FOXP4: variants seen among roughly 807,000 people sequenced by gnomAD.
FOXP4 encodes the protein forkhead box P4, also known as forkhead box protein P4.
In FOXP4, 25 loss-of-function variants were observed where a neutral mutation model predicts 82.6. The ratio of observed to expected loss-of-function variants is 0.30; its 90% confidence interval spans 0.22 to 0.42. The LOEUF (loss-of-function observed/expected upper bound fraction) is 0.42, where lower values mean the gene tolerates loss of function less well. Among genes scored for constraint, FOXP4 ranks in the 10% least tolerant of loss-of-function variants. The pLI is 1.00. For missense variants in FOXP4, 785 were observed against 900.9 expected (o/e 0.87, Z 1.65); for synonymous variants, 415 against 388.2 (o/e 1.07, Z -0.81).
At position 41,596,713 on chromosome 6, in the gene FOXP4, T is replaced by C. The variant is rs552638200; in HGVS notation, c.1659-463T>C. Among the ~76,000 whole-genome samples, 20 of 152,178 alleles carry C rather than the reference T, an allele frequency of 1.3e-4. No homozygotes were observed. The South Asian group carries it at 4.2e-3, about 32-fold the overall frequency. On this transcript the variant is annotated intron_variant, in intron 14 of 16. Coordinates refer to ENST00000307972, the MANE Select transcript of FOXP4 (RefSeq NM_001012426.2). ...GGAGGCTTCCATACAGAAGCCTCCA[T>C]GTGGGACAGGCTGAGCATATGTCTG...
At chr6:41,549,956 CTG>C (rs918505288) in intron 1 of FOXP4, among the ~76,000 whole-genome samples, 2 of 152,188 alleles carry the variant, frequency 1.3e-5, no homozygotes, top group African/African-American at 2.4e-5. Context: ...ATAGCCTAAA[CTG>C]TGTGAAATAA....
At chr6:41,563,769 G>C (rs998519297) in intron 1 of FOXP4, among the ~76,000 whole-genome samples, 1 of 152,146 alleles carries the variant, frequency 6.6e-6, no homozygotes, top group Non-Finnish European at 1.5e-5. Flanking sequence ...AATATACTTG[G>C]CTCTCTTTAT....
intron 3 of FOXP4, among the ~76,000 whole-genome samples, chr6:41,581,484 C>G (rs1765798814): frequency 6.6e-6 from 1 of 152,238 alleles, no homozygotes; most frequent in Admixed American, 6.5e-5. Flanking sequence ...TAAGTTAGCA[C>G]TTAGCTGCCC....
chr6:41,587,578 A>G, intron 7 of FOXP4, 66 bp downstream of exon 7: 2 of 1,291,238 alleles, frequency 1.5e-6, no homozygotes, highest in South Asian at 2.8e-5. Flanking sequence ...CCCCCCACCC[A>G]TGAGGGCTGA....
At chr6:41,590,197 C>T in intron 11 of FOXP4, 27 bp downstream of exon 11, 10 of 1,605,198 alleles carry the variant, frequency 6.2e-6, no homozygotes, top group Non-Finnish European at 8.5e-6. Context: ...GGCTGCAGGG[C>T]GACAGCAGCG....
chr6:41,562,672 A>G (rs1015176302), intron 1 of FOXP4, among the ~76,000 whole-genome samples: 2 of 152,134 alleles, frequency 1.3e-5, no homozygotes, highest in Non-Finnish European at 2.9e-5. Context: ...TCTCCTTTGC[A>G]TGCATACACC....
At chr6:41,596,834 C>A (rs1194200027) in intron 14 of FOXP4, among the ~76,000 whole-genome samples, 1 of 151,982 alleles carries the variant, frequency 6.6e-6, no homozygotes, top group Non-Finnish European at 1.5e-5. Flanking sequence ...ATTGGAAAAT[C>A]TAGACCGGAG....
chr6:41,581,165 G>C (rs187969521), intron 3 of FOXP4, among the ~76,000 whole-genome samples: 3 of 152,310 alleles, frequency 2.0e-5, no homozygotes, highest in Admixed American at 6.5e-5. Context: ...GGATTAGTTT[G>C]AGGACTTCTG....
At chr6:41,566,990 C>T (rs1442677644) in intron 2 of FOXP4, among the ~76,000 whole-genome samples, 1 of 152,234 alleles carries the variant, frequency 6.6e-6, no homozygotes, top group Non-Finnish European at 1.5e-5. Context: ...TCTCCCACAG[C>T]CCAACTTCAT....
chr6:41,587,649 C>T lies in FOXP4; in HGVS notation c.872+137C>T, dbSNP rs189252979. The T allele has an allele frequency of 1.1e-3, 1,026 of 901,290 alleles. 3 individuals carry two copies. The highest frequency in any genetic ancestry group is 1.6e-3 in the Non-Finnish European group (934 of 589,996). The allele number at this position is 901,290 out of a possible 1,614,324, so 55.8% of individuals were successfully genotyped here. ...TTCACTCCCTCTCCACTCCCTCTCC[C>T]GGGGTGTACAGATGGTGCTTGGCCG... On this transcript the variant is annotated intron_variant, in intron 7 of 16. Transcript: ENST00000307972.
At chr6:41,575,978 TA>T (rs1433745910) in intron 2 of FOXP4, among the ~76,000 whole-genome samples, 1 of 151,526 alleles carries the variant, frequency 6.6e-6, no homozygotes, top group South Asian at 2.1e-4. Context: ...GAGGAGTTTG[TA>T]AAAGCAAGGT....
intron 2 of FOXP4, among the ~76,000 whole-genome samples, chr6:41,575,297 C>T (rs1476879446): frequency 6.6e-6 from 1 of 152,208 alleles, no homozygotes; most frequent in Non-Finnish European, 1.5e-5. Flanking sequence ...GCTATCATCA[C>T]AGAACCTGAG....
In FOXP4 at chr6:41,601,310, G is replaced by T; in HGVS notation, c.*2374G>T. 6.5e-6 allele frequency: 1 copy of T among 152,784 alleles called. No individual in the cohort carries two copies. The highest frequency in any genetic ancestry group is 1.5e-5 in the Non-Finnish European group (1 of 68,446). The allele number at this position is 152,784 out of a possible 1,614,324, so 9.5% of individuals were successfully genotyped here. On this transcript the variant is annotated 3_prime_UTR_variant, in exon 17 of 17. Transcript: ENST00000307972. ...CCAAGGGCCAAGCTGCTAAGCCAAA[G>T]ATGGCCCCTGACACCTCCCCCAGCC...
In FOXP4 at chr6:41,593,465, G is replaced by A. The variant is rs570947268; in HGVS notation, c.1537-1405G>A. On this transcript the variant is annotated intron_variant, in intron 13 of 16. Coordinates refer to ENST00000307972, the MANE Select transcript of FOXP4 (RefSeq NM_001012426.2). This position sits in a 1 kb window ranked among gnomAD's most constrained non-coding sequence, Gnocchi z 4.1. ...CCGTCCTTTTGTTTACGAAGCCCCT[G>A]CCAGACCCCTTAAATTGCCGTTAAT... Among the ~76,000 whole-genome samples the A allele has an allele frequency of 1.3e-5, 2 of 152,238 alleles. No individual in the cohort carries two copies. The highest frequency in any genetic ancestry group is 4.1e-4 in the South Asian group (2 of 4,822).
Position 41,589,951 on chromosome 6 carries a change from CG to C in FOXP4, c.1150-11del. ...CGGGCACTGGTCTCAGTACCCTCCC[CG>C]TTGCTCACAGCTGAACCCGGTCCCC... On this transcript the variant is annotated splice_polypyrimidine_tract_variant and intron_variant, in intron 10 of 16. Coordinates refer to ENST00000307972, the MANE Select transcript of FOXP4 (RefSeq NM_001012426.2). 6.2e-7 allele frequency: 1 copy of C among 1,613,622 alleles called. No individual in the cohort carries two copies. Among genetic ancestry groups the C allele is most frequent in the Non-Finnish European group, 8.5e-7 (1 of 1,179,826 alleles).
In FOXP4 at chr6:41,587,165, C is replaced by T; in HGVS notation, c.658+9C>T. The T allele has an allele frequency of 1.2e-6, 2 of 1,606,638 alleles. No individual in the cohort carries two copies. The highest frequency in any genetic ancestry group is 1.7e-6 in the Non-Finnish European group (2 of 1,177,126). On this transcript the variant is annotated intron_variant, in intron 6 of 16. Transcript: ENST00000307972. The stretch of plus-strand genomic sequence containing the variant: ...CCAGACCCTTCCGCAAGGTGAGCAC[C>T]CGCCACTCCTCCCCTCCCAGCCCCA...
In FOXP4 at chr6:41,598,843, C is replaced by G. The variant is rs375063628; in HGVS notation, c.1950C>G (p.Pro650=). The G allele has an allele frequency of 1.9e-6, 3 of 1,583,066 alleles. No homozygotes were observed. The highest frequency in any genetic ancestry group is 2.6e-6 in the Non-Finnish European group (3 of 1,165,946). Residue 650 remains proline, a synonymous_variant, in exon 17 of 17, where the codon CCC becomes CCG. Coordinates refer to ENST00000307972, the MANE Select transcript of FOXP4 (RefSeq NM_001012426.2). The part of the protein sequence containing the change: ...EPAEAEEDRQ[P]GPPLGAPNPS... Reference sequence around the variant, plus strand: ...CAGAGGCAGAGGAAGACAGGCAGCCCGGGCCTCCCCTGGGCGCCCCTAACC... The same window carrying G: ...CAGAGGCAGAGGAAGACAGGCAGCCGGGGCCTCCCCTGGGCGCCCCTAACC...
intron 1 of FOXP4, among the ~76,000 whole-genome samples, chr6:41,557,828 T>C (rs1029576335): frequency 1.3e-5 from 2 of 152,170 alleles, no homozygotes; most frequent in South Asian, 4.1e-4. Flanking sequence ...TCTCTTACTT[T>C]TAGGATTCAG....
In FOXP4 at chr6:41,546,390, C is replaced by T. The variant is rs1286288521; in HGVS notation, c.-494C>T. The T allele has an allele frequency of 6.6e-6, 1 of 151,330 alleles. No homozygotes were observed. The highest frequency in any genetic ancestry group is 1.5e-5 in the Non-Finnish European group (1 of 67,514). The allele number at this position is 151,330 out of a possible 1,614,324, so 9.4% of individuals were successfully genotyped here. On this transcript the variant is annotated 5_prime_UTR_variant, in exon 1 of 17. Transcript: ENST00000307972. ...CCGCCCGCTCGCAGCCACTCGCAGC[C>T]CAGGCTCAGTCGCAGCCCCTCGGAG...
Sources: allele counts gnomAD v4.1 joint callset (sites outside exome capture counted in the v4.1 genomes callset), GRCh38; gene constraint gnomAD v4.1.1; non-coding constraint Gnocchi (gnomAD v3.1); transcripts MANE v1.5; gene names NCBI Gene and HGNC (gene_info 2026-07-23, HGNC 2026-07-21).